Variants in FBXW10 observed in about 807,000 individuals in gnomAD.
FBXW10 encodes F-box and WD repeat domain containing 10.
Under a neutral mutation model 113.1 loss-of-function variants are expected in FBXW10, and 68 were observed. The ratio of observed to expected loss-of-function variants is 0.60; its 90% CI spans 0.49 to 0.74. The LOEUF (loss-of-function observed/expected upper bound fraction) is 0.74. Among genes scored for constraint, FBXW10 ranks in the 30% least tolerant of loss-of-function variants. The pLI is 0.00. For synonymous variants in FBXW10, 289 were observed against 481.6 expected (o/e 0.60, Z 5.24); for missense variants, 753 against 1,284.5 (o/e 0.59, Z 6.32).
chr17:18,764,202 T>A (rs984607282), intron 7 of FBXW10, among the ~76,000 whole-genome samples: 28 of 134,530 alleles, frequency 2.1e-4, no homozygotes, highest in Non-Finnish European at 1.3e-4. Flanking sequence ...TAAATACTCT[T>A]TTTTTTTTTT....
chr17:18,766,583 C>G, intron 8 of FBXW10, 131 bp from the exon 9 acceptor site: 18 of 1,225,390 alleles, frequency 1.5e-5, no homozygotes, highest in Non-Finnish European at 2.0e-5. Flanking sequence ...CACGGGAAGT[C>G]CTTCTAGAAT....
intron 1 of FBXW10, among the ~76,000 whole-genome samples, chr17:18,745,710 G>A (rs71367477): frequency 3.3e-5 from 5 of 152,266 alleles, no homozygotes; most frequent in South Asian, 2.1e-4. Context: ...CACTGCACTC[G>A]ACCAGGGATT....
chr17:18,770,415 G>A (rs1406941350), intron 11 of FBXW10, among the ~76,000 whole-genome samples: 1 of 151,598 alleles, frequency 6.6e-6, no homozygotes, highest in Non-Finnish European at 1.5e-5. Flanking sequence ...GCAATTCTCT[G>A]CCTCAGCCTC....
rs9903004 is a variant in FBXW10, at chr17:18,750,784, A to G, written c.1000-147A>G. 233 of 869,392 alleles carry G rather than the reference A, an allele frequency of 2.7e-4. 1 individual carries two copies. In the African/African-American group the frequency reaches 3.3e-3, roughly 12 times the overall value. 53.9% of individuals were successfully genotyped at this position (869,392 alleles called of 1,614,324 possible). A position where few individuals can be genotyped will look rare whatever the true frequency, so the allele number is the denominator to read the frequency against. On this transcript the variant is annotated intron_variant, in intron 4 of 13. Coordinates refer to ENST00000395665, the MANE Select transcript of FBXW10 (RefSeq NM_001267585.2). Reference sequence around the variant, plus strand: ...GCACACACTGCCAGAGGAACTGGCCAGAAGTGGGCCTGCCTGCTGCAGCCA... The same window carrying G: ...GCACACACTGCCAGAGGAACTGGCCGGAAGTGGGCCTGCCTGCTGCAGCCA...
chr17:18,748,053 T>C lies in FBXW10; in HGVS notation c.618T>C (p.Pro206=). The change falls in exon 2 of 14, where the codon CCT becomes CCC. Residue 206 remains proline, a synonymous_variant. Coordinates refer to ENST00000395665, the MANE Select transcript of FBXW10 (RefSeq NM_001267585.2). ...WTAKTQHTSL[P]LSKAPENEHL... Reference sequence around the variant, plus strand: ...CCAAAACTCAGCACACATCCCTTCCTTTGTCCAAAGCCCCAGAAAATGAAC... The same window carrying C: ...CCAAAACTCAGCACACATCCCTTCCCTTGTCCAAAGCCCCAGAAAATGAAC... 6.2e-7 allele frequency: 1 copy of C among 1,613,712 alleles called. No homozygotes were observed. Among genetic ancestry groups the C allele is most frequent in the Non-Finnish European group, 8.5e-7 (1 of 1,179,814 alleles).
At chr17:18,761,914 TC>T (rs1298162910) in intron 7 of FBXW10, among the ~76,000 whole-genome samples, 1 of 152,224 alleles carries the variant, frequency 6.6e-6, no homozygotes, top group Non-Finnish European at 1.5e-5. Context: ...TGCCAAACTC[TC>T]TTATTAGTTG....
Position 18,768,018 on chromosome 17 carries a change from CCTTCCTTT to C in FBXW10, c.1705-508_1705-501del, listed in dbSNP as rs1224877567. The stretch of plus-strand genomic sequence containing the variant: ...CTTTTATTTTTTCTTTTCCTTCCTT[CCTTCCTTT>C]CTTCCTTCCTTCCTTCCTTCCTTCC... On this transcript the variant is annotated intron_variant, in intron 9 of 13. Coordinates refer to ENST00000395665, the MANE Select transcript of FBXW10 (RefSeq NM_001267585.2). 1.4e-3 allele frequency among the ~76,000 whole-genome samples: 193 copies of C among 134,842 alleles called. 2 individuals are homozygous for C. Among genetic ancestry groups the C allele is most frequent in the Middle Eastern group, 3.6e-3 (1 of 274 alleles). The allele number at this position is 134,842 out of a possible 152,430, so 88.5% of individuals were successfully genotyped here.
chr17:18,757,632 G>A (rs1377089578), intron 6 of FBXW10, among the ~76,000 whole-genome samples: 2 of 152,172 alleles, frequency 1.3e-5, no homozygotes, highest in Admixed American at 1.3e-4. Flanking sequence ...GGGTGACAGA[G>A]CAAGACCTTG....
At position 18,766,723 on chromosome 17, in the gene FBXW10, T is replaced by C; in HGVS notation, c.1565T>C (p.Val522Ala). ...GRDCQVKVWD[V>A]DTGKCLKTFR... ...TCTCCCTCCTGTTCAGTATGGGATG[T>C]AGACACAGGGAAGTGCCTGAAGACG... Residue 522 changes from valine (V) to alanine (A), a missense_variant, in exon 9 of 14, where the codon GTA becomes GCA. Transcript: ENST00000395665. 6.2e-7 allele frequency: 1 copy of C among 1,613,820 alleles called. No homozygotes were observed. Among genetic ancestry groups the C allele is most frequent in the Non-Finnish European group, 8.5e-7 (1 of 1,179,752 alleles).
At chr17:18,774,198 G>A (rs1458425353) in intron 12 of FBXW10, among the ~76,000 whole-genome samples, 1 of 152,208 alleles carries the variant, frequency 6.6e-6, no homozygotes, top group Non-Finnish European at 1.5e-5. Flanking sequence ...TTTAGTCTTG[G>A]TTTCAATGAA....
intron 7 of FBXW10, among the ~76,000 whole-genome samples, chr17:18,762,837 A>T (rs2035412146): frequency 6.7e-6 from 1 of 149,550 alleles, no homozygotes; most frequent in Non-Finnish European, 1.5e-5. Flanking sequence ...CTAAATCTGG[A>T]AAGTTCCTTC....
In FBXW10 at chr17:18,751,227, T is replaced by C. The variant is rs530367432; in HGVS notation, c.1122+174T>C. ...ACTGACTTACAAGACACTTCCTCTT[T>C]TTTTTTTTTTTTTAATGAGATGGAG... On this transcript the variant is annotated intron_variant, in intron 5 of 13. Transcript: ENST00000395665. 3.8e-4 allele frequency among the ~76,000 whole-genome samples: 56 copies of C among 147,014 alleles called. 1 individual carries two copies. In the South Asian group the frequency reaches 0.012, roughly 31 times the overall value.
At chr17:18,754,095 G>A (rs2035218342) in intron 5 of FBXW10, among the ~76,000 whole-genome samples, 1 of 152,016 alleles carries the variant, frequency 6.6e-6, no homozygotes, top group Non-Finnish European at 1.5e-5. Context: ...ACCATAGATC[G>A]AGGAGGTGTT....
intron 1 of FBXW10, among the ~76,000 whole-genome samples, chr17:18,745,720 TC>T (rs2035028414): frequency 2.0e-5 from 3 of 152,178 alleles, no homozygotes; most frequent in African/African-American, 4.8e-5. Context: ...GACCAGGGAT[TC>T]TGTATTTCTA....
At position 18,747,081 on chromosome 17, in the gene FBXW10, C is replaced by T. The variant is rs1280767678; in HGVS notation, c.506-860C>T. Among the ~76,000 whole-genome samples, 8 of 151,970 alleles carry T rather than the reference C, an allele frequency of 5.3e-5. No individual in the cohort carries two copies. The East Asian group carries it at 5.8e-4, about 11-fold the overall frequency. Reference sequence around the variant, plus strand: ...CTGGGACTACAGGTGCCCGCCACCACGCCCGGCTAATTTTTTTTGTATTTC... The same window carrying T: ...CTGGGACTACAGGTGCCCGCCACCATGCCCGGCTAATTTTTTTTGTATTTC... On this transcript the variant is annotated intron_variant, in intron 1 of 13. Coordinates refer to ENST00000395665, the MANE Select transcript of FBXW10 (RefSeq NM_001267585.2).
rs773751826 is a variant in FBXW10, at chr17:18,749,971, C to T, written c.872-39C>T. ...TTTCCCAGACACCTCCCCTCTTGGC[C>T]CAGTTCTGGGGTTTCTGGGTCCATC... is the stretch of plus-strand genomic sequence containing the variant. On this transcript the variant is annotated intron_variant, in intron 3 of 13. Transcript: ENST00000395665. 8.1e-6 allele frequency: 13 copies of T among 1,613,816 alleles called. No individual in the cohort carries two copies. In the South Asian group the frequency reaches 1.2e-4, roughly 15 times the overall value.
chr17:18,778,499 A>G lies in FBXW10; in HGVS notation c.2360A>G (p.Lys787Arg), dbSNP rs1198953020. ...GCAGATGATGTGGAGAAAGCACAAA[A>G]ACAAGGACAATTGGAAACTCCTGGA... is the stretch of plus-strand genomic sequence containing the variant. ...RDADDVEKAQ[K>R]QGQLETPGKL... The change falls in exon 14 of 14, where the codon AAA becomes AGA. Residue 787 changes from lysine to arginine, a missense_variant. Coordinates refer to ENST00000395665, the MANE Select transcript of FBXW10 (RefSeq NM_001267585.2). The G allele has an allele frequency of 6.2e-6, 10 of 1,613,432 alleles. No homozygotes were observed. The highest frequency in any genetic ancestry group is 1.6e-4 in the Middle Eastern group (1 of 6,076).
At position 18,772,702 on chromosome 17, in the gene FBXW10, A is replaced by G; in HGVS notation, c.2278+19A>G. Reference sequence around the variant, plus strand: ...TCTTCAGGTAAAAAACTGAAATACCAGCAAGTTCAGTGATAACCCACAGAG... The same window carrying G: ...TCTTCAGGTAAAAAACTGAAATACCGGCAAGTTCAGTGATAACCCACAGAG... On this transcript the variant is annotated intron_variant, in intron 12 of 13. Coordinates refer to ENST00000395665, the MANE Select transcript of FBXW10 (RefSeq NM_001267585.2). 6.2e-7 allele frequency: 1 copy of G among 1,601,668 alleles called. No individual in the cohort carries two copies. Among genetic ancestry groups the G allele is most frequent in the Non-Finnish European group, 8.5e-7 (1 of 1,174,204 alleles).
intron 1 of FBXW10, chr17:18,745,038 T>A: frequency 7.6e-7 from 1 of 1,316,884 alleles, no homozygotes; most frequent in Non-Finnish European, 9.7e-7. Context: ...GGCCCAGAAA[T>A]GGCTGGTCCC....
Sources: allele counts gnomAD v4.1 joint callset (sites outside exome capture counted in the v4.1 genomes callset), GRCh38; gene constraint gnomAD v4.1.1; transcripts MANE v1.5; gene names NCBI Gene and HGNC (gene_info 2026-07-23, HGNC 2026-07-21).